Variants in ADAMTSL1 observed in about 807,000 individuals in gnomAD.
The protein encoded by ADAMTSL1 is ADAMTS-like protein 1.
In ADAMTSL1, 126 loss-of-function variants were observed where a neutral mutation model predicts 201.8. The observed-to-expected ratio is 0.62, with a 90% CI of 0.54 to 0.72. The LOEUF is 0.72. ADAMTSL1 is among the 30% of genes least tolerant of loss of function. ADAMTSL1 has a pLI of 0.00. For synonymous variants in ADAMTSL1, 1,121 were observed against 903.4 expected (o/e 1.24, Z -4.32); for missense variants, 2,679 against 2,277.8 (o/e 1.18, Z -3.59).
chr9:18,191,157 A>G (rs541731948), intron 2 of ADAMTSL1, among the ~76,000 whole-genome samples: 2 of 152,252 alleles, frequency 1.3e-5, no homozygotes, highest in East Asian at 1.9e-4. Context: ...GCAGGCCTAG[A>G]TAGTTTGTAT....
chr9:18,003,720 A>T (rs1404970767), intron 1 of ADAMTSL1, among the ~76,000 whole-genome samples: 1 of 152,066 alleles, frequency 6.6e-6, no homozygotes, highest in East Asian at 1.9e-4. Flanking sequence ...GTACTTAAGG[A>T]TCAACATCCA....
At chr9:18,406,799 C>A (rs1406509772) in intron 2 of ADAMTSL1, among the ~76,000 whole-genome samples, 1 of 152,090 alleles carries the variant, frequency 6.6e-6, no homozygotes, top group African/African-American at 2.4e-5. Flanking sequence ...ACCCTGGATA[C>A]AGAATGAAGA....
At chr9:18,544,988 C>A (rs1008537430) in intron 3 of ADAMTSL1, among the ~76,000 whole-genome samples, 1 of 152,166 alleles carries the variant, frequency 6.6e-6, no homozygotes, top group Non-Finnish European at 1.5e-5. Flanking sequence ...CCTCTCCTGG[C>A]TAGCTCCACG....
At chr9:18,816,828 T>G (rs970507505) in intron 20 of ADAMTSL1, among the ~76,000 whole-genome samples, 1 of 146,120 alleles carries the variant, frequency 6.8e-6, no homozygotes, top group African/African-American at 2.5e-5. Context: ...ATGGAGTACA[T>G]AGTGATGTTT....
chr9:18,849,135 C>A (rs1174685478), intron 23 of ADAMTSL1, among the ~76,000 whole-genome samples: 1 of 152,190 alleles, frequency 6.6e-6, no homozygotes, highest in Non-Finnish European at 1.5e-5. Flanking sequence ...TGTCATGTCT[C>A]CCAGCTAGAT....
At chr9:18,635,725 G>T (rs1219838501) in intron 5 of ADAMTSL1, among the ~76,000 whole-genome samples, 1 of 151,966 alleles carries the variant, frequency 6.6e-6, no homozygotes, top group African/African-American at 2.4e-5. Context: ...TTTTTAAAAG[G>T]CCAAATCCTC....
intron 2 of ADAMTSL1, among the ~76,000 whole-genome samples, chr9:18,447,571 A>T (rs1261438355): frequency 6.6e-6 from 1 of 152,180 alleles, no homozygotes; most frequent in Non-Finnish European, 1.5e-5. Context: ...ATTGTCCTGG[A>T]TGGGGGAATC....
At chr9:18,310,680 G>A (rs141115954) in intron 2 of ADAMTSL1, among the ~76,000 whole-genome samples, 2,723 of 152,234 alleles carry the variant, frequency 0.018, 76 homozygotes, top group African/African-American at 0.063. Flanking sequence ...AGTTAGAATG[G>A]CGATCATTAA....
At chr9:18,386,154 A>C (rs924585291) in intron 2 of ADAMTSL1, among the ~76,000 whole-genome samples, 1 of 152,168 alleles carries the variant, frequency 6.6e-6, no homozygotes, top group Non-Finnish European at 1.5e-5. Flanking sequence ...TTTAGGACTC[A>C]CTGTCTAAGA....
At chr9:18,031,957 C>A (rs887819661) in intron 1 of ADAMTSL1, among the ~76,000 whole-genome samples, 3 of 152,148 alleles carry the variant, frequency 2.0e-5, no homozygotes, top group Non-Finnish European at 4.4e-5. Flanking sequence ...GTGCCCACAG[C>A]CCAGGGATTT....
intron 15 of ADAMTSL1, among the ~76,000 whole-genome samples, chr9:18,750,959 C>T (rs1004183159): frequency 6.6e-6 from 1 of 152,184 alleles, no homozygotes; most frequent in Non-Finnish European, 1.5e-5. Flanking sequence ...TCCCCACCAC[C>T]GTGAGTGGGC....
At chr9:18,059,858 G>C (rs1012544426) in intron 1 of ADAMTSL1, among the ~76,000 whole-genome samples, 1 of 151,832 alleles carries the variant, frequency 6.6e-6, no homozygotes, top group Non-Finnish European at 1.5e-5. Context: ...ATCTTATTTA[G>C]ATACCATTTT....
intron 2 of ADAMTSL1, among the ~76,000 whole-genome samples, chr9:18,245,137 G>T (rs996799339): frequency 3.3e-5 from 5 of 152,000 alleles, no homozygotes; most frequent in African/African-American, 1.2e-4. Context: ...ATTATATCAG[G>T]GATGCAAACA....
At chr9:18,543,878 T>C (rs1280038202) in intron 3 of ADAMTSL1, among the ~76,000 whole-genome samples, 2 of 152,150 alleles carry the variant, frequency 1.3e-5, no homozygotes, top group African/African-American at 4.8e-5. Context: ...GTGGCACACA[T>C]TTCTTTTTTA....
In ADAMTSL1 at chr9:18,906,839, G is replaced by A. The variant is rs373236724; in HGVS notation, c.5109G>A (p.Val1703=). ...TGCATGCCCGCACCAACAAGGCAGTGCCTGAGCACCTGTGCTCCTGGGGGC... is the reference window on the plus strand; with the variant it reads ...TGCATGCCCGCACCAACAAGGCAGTACCTGAGCACCTGTGCTCCTGGGGGC... ...ECVHARTNKA[V]PEHLCSWGPR... Residue 1703 remains valine (V), a synonymous_variant, in exon 28 of 29, where the codon GTG becomes GTA. Transcript: ENST00000380548. 46 of 1,613,920 alleles carry A rather than the reference G, an allele frequency of 2.9e-5. No individual in the cohort carries two copies. The highest frequency in any genetic ancestry group is 3.7e-5 in the Non-Finnish European group (44 of 1,179,906).
At chr9:18,583,340 G>A (rs2132425993) in intron 4 of ADAMTSL1, among the ~76,000 whole-genome samples, 1 of 152,306 alleles carries the variant, frequency 6.6e-6, no homozygotes, top group East Asian at 1.9e-4. Context: ...TACCTTAGCA[G>A]CTTCCATGTG....
chr9:18,576,303 G>C (rs1463101363), intron 4 of ADAMTSL1, among the ~76,000 whole-genome samples: 1 of 152,180 alleles, frequency 6.6e-6, no homozygotes, highest in Non-Finnish European at 1.5e-5. Flanking sequence ...TTTGGCTGGA[G>C]AGCCAGATAA....
intron 1 of ADAMTSL1, among the ~76,000 whole-genome samples, chr9:17,960,135 G>A (rs1025661175): frequency 6.6e-6 from 1 of 152,082 alleles, no homozygotes; most frequent in Non-Finnish European, 1.5e-5. Context: ...TTCAACACAC[G>A]GTTCCATGTT....
At chr9:18,378,491 A>G (rs1435917306) in intron 2 of ADAMTSL1, among the ~76,000 whole-genome samples, 4 of 152,178 alleles carry the variant, frequency 2.6e-5, no homozygotes, top group Non-Finnish European at 4.4e-5. Flanking sequence ...TCAACTTAAG[A>G]TATTAACTTG....
Sources: allele counts gnomAD v4.1 joint callset (sites outside exome capture counted in the v4.1 genomes callset), GRCh38; gene constraint gnomAD v4.1.1; transcripts MANE v1.5; gene names NCBI Gene and HGNC (gene_info 2026-07-23, HGNC 2026-07-21).